PTPRD: variants seen among roughly 807,000 people sequenced by gnomAD.
PTPRD encodes protein tyrosine phosphatase receptor type D.
PTPRD carries 34 observed loss-of-function variants against 214.5 expected under a neutral mutation model. The ratio of observed to expected loss-of-function variants is 0.16; its 90% CI spans 0.12 to 0.21. The LOEUF (loss-of-function observed/expected upper bound fraction) is 0.21. Among genes scored for constraint, PTPRD ranks in the 10% least tolerant of loss-of-function variants. The pLI is 1.00. For missense variants in PTPRD, 2,545 were observed against 2,398.7 expected (o/e 1.06, Z -1.27); for synonymous variants, 1,128 against 845.7 (o/e 1.33, Z -5.79).
intron 7 of PTPRD, among the ~76,000 whole-genome samples, chr9:9,677,343 A>G (rs571855428): frequency 7.2e-5 from 11 of 152,080 alleles, no homozygotes; most frequent in Non-Finnish European, 1.6e-4. Context: ...AGCTTTCTAC[A>G]TATGGCTAGC....
chr9:10,483,007 G>A (rs1250526106), intron 2 of PTPRD, among the ~76,000 whole-genome samples: 1 of 152,048 alleles, frequency 6.6e-6, no homozygotes, highest in Non-Finnish European at 1.5e-5. Flanking sequence ...GAACAAATCT[G>A]GAGGCATCGT....
At chr9:8,558,024 T>G (rs751739030) in intron 14 of PTPRD, among the ~76,000 whole-genome samples, 4 of 152,142 alleles carry the variant, frequency 2.6e-5, no homozygotes, top group Non-Finnish European at 4.4e-5. Flanking sequence ...TGTAACTAAT[T>G]AATCTATTAT....
intron 12 of PTPRD, among the ~76,000 whole-genome samples, chr9:8,708,675 G>GTC (rs1226200447): frequency 3.6e-5 from 3 of 82,580 alleles, no homozygotes; most frequent in Non-Finnish European, 6.7e-5. Flanking sequence ...GCGAGACTCT[G>GTC]TCTCAAAAAA....
intron 8 of PTPRD, among the ~76,000 whole-genome samples, chr9:9,546,389 T>A (rs1272214298): frequency 6.6e-6 from 1 of 151,826 alleles, no homozygotes; most frequent in Non-Finnish European, 1.5e-5. Flanking sequence ...AAATACCAGA[T>A]GTTTCTTTTC....
chr9:10,345,534 T>C (rs1057298511), intron 2 of PTPRD, among the ~76,000 whole-genome samples: 1 of 152,092 alleles, frequency 6.6e-6, no homozygotes, highest in Non-Finnish European at 1.5e-5. Flanking sequence ...TCTGTTCTTA[T>C]GTTAGTTTGC....
intron 5 of PTPRD, among the ~76,000 whole-genome samples, chr9:9,888,165 T>A (rs547709725): frequency 6.6e-6 from 1 of 152,118 alleles, no homozygotes; most frequent in Admixed American, 6.6e-5. Flanking sequence ...TCTTCCCACA[T>A]AGCAAATGGT....
At chr9:8,793,573 T>C (rs140705633) in intron 11 of PTPRD, among the ~76,000 whole-genome samples, 1 of 152,322 alleles carries the variant, frequency 6.6e-6, no homozygotes, top group African/African-American at 2.4e-5. Context: ...GCAATAAATA[T>C]GACAATGTCT....
intron 3 of PTPRD, among the ~76,000 whole-genome samples, chr9:10,320,544 T>G (rs1369587694): frequency 3.9e-5 from 6 of 151,958 alleles, no homozygotes; most frequent in Non-Finnish European, 1.5e-5. Flanking sequence ...GTATAAAAAT[T>G]TAGGTTATTA....
At chr9:8,651,372 T>A (rs2096803720) in intron 12 of PTPRD, among the ~76,000 whole-genome samples, 1 of 152,130 alleles carries the variant, frequency 6.6e-6, no homozygotes, top group African/African-American at 2.4e-5. Flanking sequence ...TAATAATAGA[T>A]GATAACCCAA....
At chr9:8,357,488 C>A (rs2077266886) in intron 39 of PTPRD, among the ~76,000 whole-genome samples, 1 of 152,180 alleles carries the variant, frequency 6.6e-6, no homozygotes, top group Non-Finnish European at 1.5e-5. Context: ...GGGCTGAATT[C>A]ATCAAAGAAC....
chr9:8,801,766 C>T (rs1256444545), intron 11 of PTPRD, among the ~76,000 whole-genome samples: 1 of 152,112 alleles, frequency 6.6e-6, no homozygotes, highest in Admixed American at 6.6e-5. Flanking sequence ...AGGAGTGTTA[C>T]CCATTAAACC....
At chr9:9,879,189 G>A (rs1012503188) in intron 5 of PTPRD, among the ~76,000 whole-genome samples, 3 of 152,086 alleles carry the variant, frequency 2.0e-5, no homozygotes, top group Admixed American at 6.6e-5. Flanking sequence ...AGTAGTATTT[G>A]CCCTTTTTTC....
In PTPRD at chr9:10,526,222, A is replaced by C. The variant is rs117200202; in HGVS notation, c.-600+86176T>G. On this transcript the variant is annotated intron_variant, in intron 2 of 45. Transcript: ENST00000381196. ...TAAAATAGCGCATTTCATTCAGATG[A>C]AGTTCTGTTGAGAAATAAAAGGAAA... is the stretch of plus-strand genomic sequence containing the variant. Among the ~76,000 whole-genome samples the C allele has an allele frequency of 1.6e-3, 246 of 152,286 alleles. 1 individual carries two copies. The highest frequency in any genetic ancestry group is 2.6e-3 in the Non-Finnish European group (178 of 68,016).
intron 11 of PTPRD, among the ~76,000 whole-genome samples, chr9:8,802,483 G>C (rs985240293): frequency 6.6e-6 from 1 of 152,142 alleles, no homozygotes; most frequent in Admixed American, 6.5e-5. Context: ...AATCACAAAA[G>C]AAAGTGAAAG....
At chr9:9,702,002 C>T (rs1370553203) in intron 7 of PTPRD, among the ~76,000 whole-genome samples, 2 of 151,966 alleles carry the variant, frequency 1.3e-5, no homozygotes, top group Non-Finnish European at 2.9e-5. Context: ...GCCTGTATTC[C>T]CCACTACTAG....
intron 9 of PTPRD, among the ~76,000 whole-genome samples, chr9:9,326,192 G>C (rs1000371378): frequency 1.3e-5 from 2 of 152,082 alleles, no homozygotes; most frequent in African/African-American, 2.4e-5. Flanking sequence ...GGAAAGACAG[G>C]AGCCCATCCA....
chr9:9,413,405 C>T lies in PTPRD; in HGVS notation c.-236-15923G>A, dbSNP rs559039216. 5.0e-3 allele frequency among the ~76,000 whole-genome samples: 763 copies of T among 152,120 alleles called. 7 individuals are homozygous for T. Among genetic ancestry groups the T allele is most frequent in the Non-Finnish European group, 9.3e-3 (631 of 67,990 alleles). On this transcript the variant is annotated intron_variant, in intron 8 of 45. Transcript: ENST00000381196. ...CTGGGATTACAGGCGTGAGCCACCGCGCCCGGCCTGCAGCTTCTTATTTTA... is the reference window on the plus strand; with the variant it reads ...CTGGGATTACAGGCGTGAGCCACCGTGCCCGGCCTGCAGCTTCTTATTTTA...
At chr9:10,117,207 T>C (rs1376137704) in intron 3 of PTPRD, among the ~76,000 whole-genome samples, 4 of 152,116 alleles carry the variant, frequency 2.6e-5, no homozygotes, top group African/African-American at 7.2e-5. Flanking sequence ...AATGGCACTT[T>C]CAACACGGCA....
chr9:9,632,133 C>T (rs1328751811), intron 7 of PTPRD, among the ~76,000 whole-genome samples: 2 of 152,128 alleles, frequency 1.3e-5, no homozygotes, highest in African/African-American at 2.4e-5. Flanking sequence ...ACAATAGCCA[C>T]AAAGTGGAAA....
Sources: allele counts gnomAD v4.1 joint callset (sites outside exome capture counted in the v4.1 genomes callset), GRCh38; gene constraint gnomAD v4.1.1; transcripts MANE v1.5; gene names NCBI Gene and HGNC (gene_info 2026-07-23, HGNC 2026-07-21).